ULK4: variants seen among roughly 807,000 people sequenced by gnomAD.
The protein encoded by ULK4 is unc-51 like kinase 4.
In ULK4, 133 loss-of-function variants were observed where a neutral mutation model predicts 160.6. The ratio of observed to expected loss-of-function variants is 0.83; its 90% confidence interval spans 0.72 to 0.96. ULK4 has a LOEUF of 0.96. Among genes scored for constraint, ULK4 ranks in the 40% least tolerant of loss-of-function variants. The pLI is 0.00. For synonymous variants in ULK4, 534 were observed against 539.8 expected (o/e 0.99, Z 0.15); for missense variants, 1,580 against 1,499.5 (o/e 1.05, Z -0.89).
At chr3:41,722,128 T>C (rs1406635101) in intron 22 of ULK4, among the ~76,000 whole-genome samples, 3 of 152,136 alleles carry the variant, frequency 2.0e-5, no homozygotes, top group Non-Finnish European at 2.9e-5. Context: ...TGTAAATGAA[T>C]GCGGTAAATT....
chr3:41,273,737 T>C (rs2079180359), intron 35 of ULK4, among the ~76,000 whole-genome samples: 1 of 152,118 alleles, frequency 6.6e-6, no homozygotes, highest in Admixed American at 6.6e-5. Context: ...ATGGAGTGGA[T>C]CGCTCATGAA....
intron 30 of ULK4, among the ~76,000 whole-genome samples, chr3:41,639,939 CTG>C (rs971315242): frequency 6.6e-6 from 1 of 151,988 alleles, no homozygotes; most frequent in African/African-American, 2.4e-5. Flanking sequence ...AAATAGAAAA[CTG>C]TGTATTATGG....
rs189969098 is a variant in ULK4 at position 41,803,434 on chromosome 3, T to A, written c.1849-3141A>T. ...AATGTAAAAGTTAGATCCATAAAGC[T>A]TCTAGAAGAGGTCATAAAGAACACG... On this transcript the variant is annotated intron_variant, in intron 19 of 36. Transcript: ENST00000301831. 1.8e-3 allele frequency among the ~76,000 whole-genome samples: 274 copies of A among 152,306 alleles called. 1 individual carries two copies. Among genetic ancestry groups the A allele is most frequent in the Middle Eastern group, 0.014 (4 of 294 alleles).
intron 20 of ULK4, 64 bp from the exon 21 acceptor site, chr3:41,789,907 G>T (rs2040098788): frequency 1.5e-6 from 2 of 1,361,938 alleles, no homozygotes; most frequent in East Asian, 2.7e-5. Context: ...CCCCTGAAAG[G>T]TAACACATGC....
At chr3:41,446,126 T>G (rs1405595928) in intron 34 of ULK4, among the ~76,000 whole-genome samples, 1 of 151,962 alleles carries the variant, frequency 6.6e-6, no homozygotes, top group Non-Finnish European at 1.5e-5. Flanking sequence ...ATGAAAAAAA[T>G]GCTCATCATC....
In ULK4 at chr3:41,643,782, C is replaced by T. The variant is rs146818125; in HGVS notation, c.3071+19825G>A. ...CATTGAATCTATAAATTACCTTGGG[C>T]AGTATGGCCATTTTCACAATATTGA... On this transcript the variant is annotated intron_variant, in intron 30 of 36. Coordinates refer to ENST00000301831, the MANE Select transcript of ULK4 (RefSeq NM_017886.4). 1.2e-3 allele frequency among the ~76,000 whole-genome samples: 177 copies of T among 152,248 alleles called. 2 individuals carry two copies. The East Asian group carries it at 0.034, about 29-fold the overall frequency.
intron 16 of ULK4, among the ~76,000 whole-genome samples, chr3:41,892,287 A>T (rs559863965): frequency 6.6e-6 from 1 of 152,238 alleles, no homozygotes; most frequent in Non-Finnish European, 1.5e-5. Context: ...CAACAATCAC[A>T]CGAAAAGATG....
At chr3:41,562,042 G>C (rs902328429) in intron 32 of ULK4, among the ~76,000 whole-genome samples, 4 of 152,194 alleles carry the variant, frequency 2.6e-5, no homozygotes, top group Non-Finnish European at 4.4e-5. Flanking sequence ...ATGTGTCCCA[G>C]AGATTCTGGT....
chr3:41,315,021 T>C (rs189741577), intron 35 of ULK4, among the ~76,000 whole-genome samples: 1 of 152,318 alleles, frequency 6.6e-6, no homozygotes, highest in East Asian at 1.9e-4. Flanking sequence ...TACTTATAAA[T>C]TCATTTAAAA....
At chr3:41,877,680 G>A (rs1168068707) in intron 17 of ULK4, among the ~76,000 whole-genome samples, 4 of 151,990 alleles carry the variant, frequency 2.6e-5, no homozygotes, top group Admixed American at 6.6e-5. Context: ...AGGTAAAAAC[G>A]AATTTTAAAT....
chr3:41,703,161 A>AG, intron 27 of ULK4, among the ~76,000 whole-genome samples: 1 of 152,220 alleles, frequency 6.6e-6, no homozygotes, highest in African/African-American at 2.4e-5. Flanking sequence ...GCCAACGACA[A>AG]GATGTGAACA....
rs534647806 is a variant in ULK4 at position 41,375,982 on chromosome 3, C to A, written c.3678+22097G>T. 5.4e-4 allele frequency among the ~76,000 whole-genome samples: 81 copies of A among 150,258 alleles called. 7 individuals carry two copies. The highest frequency in any genetic ancestry group is 2.0e-3 in the African/African-American group (80 of 40,352). On this transcript the variant is annotated intron_variant, in intron 35 of 36. Transcript: ENST00000301831. ...TGAAAAAATGGGCAAAGGATATGAACAGACACTTCTCAAACGAAGACATTT... is the reference window on the plus strand; with the variant it reads ...TGAAAAAATGGGCAAAGGATATGAAAAGACACTTCTCAAACGAAGACATTT...
chr3:41,506,254 C>T (rs960272834), intron 32 of ULK4, among the ~76,000 whole-genome samples: 4 of 152,092 alleles, frequency 2.6e-5, no homozygotes, highest in Admixed American at 1.3e-4. Flanking sequence ...AACCCCAAGG[C>T]CCCAGTACAC....
intron 21 of ULK4, among the ~76,000 whole-genome samples, chr3:41,781,176 G>T (rs1254280003): frequency 6.6e-6 from 1 of 152,108 alleles, no homozygotes; most frequent in Non-Finnish European, 1.5e-5. Context: ...ATATCTGATT[G>T]AAACAGATAA....
At chr3:41,539,401 C>G (rs1795320) in intron 32 of ULK4, among the ~76,000 whole-genome samples, 77,640 of 151,860 alleles carry the variant, frequency 0.51, 19,958 homozygotes, top group Middle Eastern at 0.57. Context: ...CTCTCCCCAA[C>G]TTGCCATCAT....
chr3:41,470,044 A>AAAAAAAAAAAAAC (rs1415943037), intron 32 of ULK4, among the ~76,000 whole-genome samples: 12 of 116,686 alleles, frequency 1.0e-4, no homozygotes, highest in African/African-American at 1.8e-4. Flanking sequence ...AAAAAAAAAA[A>AAAAAAAAAAAAAC]AACAAAGTAT....
intron 30 of ULK4, among the ~76,000 whole-genome samples, chr3:41,623,683 G>C (rs1019791424): frequency 6.6e-6 from 1 of 152,172 alleles, no homozygotes; most frequent in Non-Finnish European, 1.5e-5. Flanking sequence ...GGGTAGAATG[G>C]TGGTTACCAG....
intron 25 of ULK4, among the ~76,000 whole-genome samples, chr3:41,707,494 T>A (rs2036940960): frequency 6.6e-6 from 1 of 151,994 alleles, no homozygotes; most frequent in Non-Finnish European, 1.5e-5. Flanking sequence ...GCAAAATATA[T>A]AAAGAACTCA....
intron 12 of ULK4, among the ~76,000 whole-genome samples, chr3:41,902,157 T>C (rs1698393241): frequency 6.6e-6 from 1 of 151,162 alleles, no homozygotes; most frequent in South Asian, 2.1e-4. Flanking sequence ...ATCAGTGAAG[T>C]AAGGAATAAG....
Sources: allele counts gnomAD v4.1 joint callset (sites outside exome capture counted in the v4.1 genomes callset), GRCh38; gene constraint gnomAD v4.1.1; transcripts MANE v1.5; gene names NCBI Gene and HGNC (gene_info 2026-07-23, HGNC 2026-07-21).